IVD: variants seen among roughly 807,000 people sequenced by gnomAD.
The protein encoded by IVD is isovaleryl-CoA dehydrogenase, mitochondrial.
A neutral mutation model predicts 51.3 loss-of-function variants in IVD; 31 were observed. The observed-to-expected ratio is 0.60, with a 90% CI of 0.45 to 0.81. The LOEUF (loss-of-function observed/expected upper bound fraction) is 0.81, where lower values mean the gene tolerates loss of function less well. IVD is among the 40% of genes least tolerant of loss of function. The pLI, the probability that IVD is intolerant of heterozygous loss-of-function variation, is 0.00. For synonymous variants in IVD, 205 were observed against 219.4 expected, an observed-to-expected ratio of 0.93 and a Z score of 0.58; for missense variants, 475 against 552.0, an observed-to-expected ratio of 0.86 and a Z score of 1.40.
chr15:40,418,599 G>A lies in IVD; in HGVS notation c.*336G>A, dbSNP rs531068507. 4.4e-6 allele frequency: 4 copies of A among 915,836 alleles called. No homozygotes were observed. The South Asian group carries it at 8.1e-5, about 19-fold the overall frequency. The allele number at this position is 915,836 out of a possible 1,614,324, so 56.7% of individuals were successfully genotyped here. A position where few individuals can be genotyped will look rare whatever the true frequency, so the allele number is the denominator to read the frequency against. On this transcript the variant is annotated 3_prime_UTR_variant, in exon 12 of 12. Transcript: ENST00000487418. ...AGGGTAGGCACCTGGGGGCATGCAG[G>A]TGCCCACCTCCCAGGGTAGGCACCT...
intron 8 of IVD, 169 bp downstream of exon 8, chr15:40,415,151 C>A: frequency 1.2e-6 from 1 of 825,642 alleles, no homozygotes. Flanking sequence ...GAATTTCTTC[C>A]CACAGTGGGG....
At chr15:40,435,385 A>G in intron 8 of IVD, 1 of 1,058,354 alleles carries the variant, frequency 9.4e-7, no homozygotes, top group Non-Finnish European at 1.2e-6. Flanking sequence ...GGGGTTGTGG[A>G]CAGCGCTAAA....
intron 7 of IVD, among the ~76,000 whole-genome samples, chr15:40,433,645 A>G (rs1390386307): frequency 6.6e-6 from 1 of 152,138 alleles, no homozygotes; most frequent in Non-Finnish European, 1.5e-5. Context: ...CCAAACCTAG[A>G]TCATCACAGA....
At chr15:40,429,044 A>G (rs898232463), downstream of IVD, among the ~76,000 whole-genome samples, 8 of 152,064 alleles carry the variant, frequency 5.3e-5, no homozygotes, top group African/African-American at 1.9e-4. Flanking sequence ...TTACACTACA[A>G]GCTCCTCTGA....
intron 7 of IVD, among the ~76,000 whole-genome samples, chr15:40,431,072 G>T (rs1892942983): frequency 6.6e-6 from 1 of 151,464 alleles, no homozygotes; most frequent in Non-Finnish European, 1.5e-5. Flanking sequence ...AAGTGATGGA[G>T]AAATCATTAA....
chr15:40,415,148 T>C, intron 8 of IVD, 166 bp downstream of exon 8: 1 of 829,712 alleles, frequency 1.2e-6, no homozygotes. Flanking sequence ...GTTGAATTTC[T>C]TCCCACAGTG....
intron 7 of IVD, among the ~76,000 whole-genome samples, chr15:40,432,702 T>C (rs1893046763): frequency 6.6e-6 from 1 of 152,266 alleles, no homozygotes; most frequent in African/African-American, 2.4e-5. Context: ...ACAGAGAATC[T>C]TTCCCGAAGA....
At chr15:40,412,140 G>A (rs1891148242) in intron 6 of IVD, among the ~76,000 whole-genome samples, 1 of 151,850 alleles carries the variant, frequency 6.6e-6, no homozygotes, top group Non-Finnish European at 1.5e-5. Flanking sequence ...AGAAATGAGA[G>A]AACTGAGCAG....
chr15:40,424,346 A>G (rs187275490), downstream of IVD: 9 of 405,542 alleles, frequency 2.2e-5, no homozygotes, highest in African/African-American at 6.5e-5. Flanking sequence ...CATGTTTCTC[A>G]TCCCTGTGCC....
chr15:40,410,132 G>A (rs535581678), intron 3 of IVD, among the ~76,000 whole-genome samples: 1 of 152,252 alleles, frequency 6.6e-6, no homozygotes, highest in Admixed American at 6.5e-5. Context: ...CCCATGCCTG[G>A]CCTCCAGTCC....
downstream of IVD, among the ~76,000 whole-genome samples, chr15:40,428,117 G>C (rs893367663): frequency 4.0e-5 from 6 of 151,864 alleles, no homozygotes; most frequent in Non-Finnish European, 2.9e-5. Context: ...GGGAGACGGA[G>C]GTTGCAGTGA....
At chr15:40,430,747 A>G (rs1168385620) in intron 7 of IVD, among the ~76,000 whole-genome samples, 4 of 152,190 alleles carry the variant, frequency 2.6e-5, no homozygotes, top group East Asian at 3.8e-4. Context: ...CAGTGGAAAC[A>G]TTGGGAGAAC....
intron 7 of IVD, among the ~76,000 whole-genome samples, chr15:40,433,687 C>G (rs1435309827): frequency 2.6e-5 from 4 of 152,218 alleles, no homozygotes; most frequent in African/African-American, 9.6e-5. Flanking sequence ...ATTCTCCCCT[C>G]TCTGTGTATT....
Position 40,433,840 on chromosome 15 carries a change from C to A in IVD, c.720-14C>A, listed in dbSNP as rs991922509. 5 of 456,586 alleles carry A rather than the reference C, an allele frequency of 1.1e-5. No individual in the cohort carries two copies. The Admixed American group carries it at 1.2e-4, about 11-fold the overall frequency. The allele number at this position is 456,586 out of a possible 1,614,324, so 28.3% of individuals were successfully genotyped here. On this transcript the variant is annotated splice_polypyrimidine_tract_variant and intron_variant, in intron 7 of 8. Transcript: ENST00000473112. ...AAACTCTGGACCATGTTTAATTTCC[C>A]TTTTCGTCTCCAGCCTGGGTCCATG...
rs982218848 is a variant in IVD, at chr15:40,418,166, G to A, written c.1175G>A (p.Arg392His). 7.4e-6 allele frequency: 12 copies of A among 1,614,076 alleles called. No homozygotes were observed. Among genetic ancestry groups the A allele is most frequent in the Admixed American group, 3.3e-5 (2 of 60,008 alleles). Residue 392 changes from arginine (R) to histidine (H), a missense_variant, in exon 12 of 12, where the codon CGC becomes CAC. Physicochemically the swap from Arg to His is conservative, Grantham distance 29. Transcript: ENST00000487418. ...NGYINDFPMGRFLRDAKLYEI... is the reference protein window; with the variant it reads ...NGYINDFPMGHFLRDAKLYEI... ...TACATCAATGACTTTCCCATGGGCC[G>A]CTTTCTTCGAGATGCCAAGCTGTAT...
chr15:40,435,590 C>A, downstream of IVD: 1 of 1,126,296 alleles, frequency 8.9e-7, no homozygotes, highest in South Asian at 1.8e-5. Flanking sequence ...CCAGAAGCTT[C>A]CTTTCCTCAA....
intron 9 of IVD, 136 bp from the exon 10 acceptor site, chr15:40,415,942 C>T: frequency 2.5e-6 from 2 of 785,938 alleles, no homozygotes; most frequent in Non-Finnish European, 2.2e-6. Flanking sequence ...CCATCTCCAT[C>T]ATCCTGAGTA....
At chr15:40,416,776 G>A (rs2141364849) in intron 11 of IVD, among the ~76,000 whole-genome samples, 1 of 152,310 alleles carries the variant, frequency 6.6e-6, no homozygotes, top group South Asian at 2.1e-4. Flanking sequence ...GGACCTTCGG[G>A]CTCTTTCTGT....
intron 3 of IVD, among the ~76,000 whole-genome samples, chr15:40,409,927 GCCA>G (rs1890875374): frequency 6.7e-6 from 1 of 149,256 alleles, no homozygotes; most frequent in Admixed American, 6.8e-5. Context: ...AGCTCCACCT[GCCA>G]GGTTCACACC....
Sources: gnomAD v4.1 joint callset for allele counts (sites outside exome capture counted in the v4.1 genomes callset) on GRCh38, gnomAD v4.1.1 for gene constraint, MANE v1.5 for transcripts, NCBI Gene and HGNC (gene_info 2026-07-23, HGNC 2026-07-21) for gene names.